Variants in MCF2L observed in about 807,000 individuals in gnomAD.
The protein encoded by MCF2L is guanine nucleotide exchange factor DBS.
MCF2L carries 97 observed loss-of-function variants against 153.4 expected under a neutral mutation model. The ratio of observed to expected loss-of-function variants is 0.63; its 90% CI spans 0.54 to 0.75. MCF2L has a LOEUF of 0.75. Among genes scored for constraint, MCF2L ranks in the 30% least tolerant of loss-of-function variants. MCF2L has a pLI of 0.00. For missense variants in MCF2L, 1,347 were observed against 1,495.2 expected (o/e 0.90, Z 1.64); for synonymous variants, 659 against 632.2 (o/e 1.04, Z -0.64).
At chr13:113,026,728 G>A (rs2085334535) in intron 3 of MCF2L, 1 of 593,038 alleles carries the variant, frequency 1.7e-6, no homozygotes, top group Non-Finnish European at 3.0e-6. Flanking sequence ...GCCCTTTCCA[G>A]GAAAGAACTG....
intron 4 of MCF2L, among the ~76,000 whole-genome samples, chr13:113,047,897 C>T (rs1455748106): frequency 3.9e-5 from 6 of 152,060 alleles, no homozygotes; most frequent in African/African-American, 7.3e-5. Context: ...TGCCTCGCTA[C>T]GCGTGCCCCG....
chr13:112,916,171 A>G, intron 2 of MCF2L, among the ~76,000 whole-genome samples: 1 of 147,668 alleles, frequency 6.8e-6, no homozygotes, highest in Non-Finnish European at 1.5e-5. Flanking sequence ...TTGCGCCACT[A>G]TACTCTAGCC....
intron 2 of MCF2L, among the ~76,000 whole-genome samples, chr13:112,921,141 C>T (rs1033339472): frequency 1.3e-5 from 2 of 152,192 alleles, no homozygotes; most frequent in Admixed American, 6.5e-5. Flanking sequence ...TGCACCACTG[C>T]ACTCTAGCCT....
intron 1 of MCF2L, among the ~76,000 whole-genome samples, chr13:113,005,409 T>TC (rs2083621163): frequency 6.6e-6 from 1 of 152,086 alleles, no homozygotes; most frequent in Non-Finnish European, 1.5e-5. Flanking sequence ...ATGAATGAAG[T>TC]CTGGGGGTCT....
intron 1 of MCF2L, among the ~76,000 whole-genome samples, chr13:112,989,313 G>A (rs1319296528): frequency 4.1e-5 from 5 of 121,664 alleles, no homozygotes; most frequent in African/African-American, 1.6e-4. Flanking sequence ...CCTGAGCAGG[G>A]GATGGAACTA....
intron 15 of MCF2L, among the ~76,000 whole-genome samples, chr13:113,080,170 C>G (rs1334784905): frequency 8.5e-6 from 1 of 117,990 alleles, no homozygotes; most frequent in Non-Finnish European, 1.8e-5. Context: ...AGAGTCCATA[C>G]GGAAGAGGGT....
intron 27 of MCF2L, 71 bp downstream of exon 27, chr13:113,094,706 G>A: frequency 2.0e-6 from 3 of 1,537,726 alleles, no homozygotes; most frequent in Non-Finnish European, 2.6e-6. Flanking sequence ...CTTCTGGCAG[G>A]TCCACCCAGG....
In MCF2L at chr13:113,096,807, C is replaced by T; in HGVS notation, c.3326C>T (p.Ser1109Leu). ...CCGGGGTCGGCCGTGCTGAGCAACTCGTCCAGCTGCAGCGAGGGCGGCCAG... is the reference window on the plus strand; with the variant it reads ...CCGGGGTCGGCCGTGCTGAGCAACTTGTCCAGCTGCAGCGAGGGCGGCCAG... ...SSPGSAVLSN[S>L]SSCSEGGQAP... Residue 1109 changes from serine to leucine, a missense_variant, in exon 30 of 30, where the codon TCG becomes TTG. Coordinates refer to ENST00000535094, the MANE Select transcript of MCF2L (RefSeq NM_001112732.3). 11 of 1,550,192 alleles carry T rather than the reference C, an allele frequency of 7.1e-6. No individual in the cohort carries two copies. The highest frequency in any genetic ancestry group is 8.6e-6 in the Non-Finnish European group (10 of 1,158,564).
intron 1 of MCF2L, among the ~76,000 whole-genome samples, chr13:112,982,225 C>CCGT (rs1196092129): frequency 6.6e-6 from 1 of 152,164 alleles, no homozygotes; most frequent in Non-Finnish European, 1.5e-5. Flanking sequence ...GTAATGGAGG[C>CCGT]CGTGCCCACC....
chr13:112,963,878 C>T (rs1199790515), intron 2 of MCF2L, among the ~76,000 whole-genome samples: 1 of 152,254 alleles, frequency 6.6e-6, no homozygotes, highest in Non-Finnish European at 1.5e-5. Context: ...GGCTCCTCCA[C>T]TGGCTTCAGT....
intron 3 of MCF2L, among the ~76,000 whole-genome samples, chr13:113,030,661 G>T (rs529232618): frequency 6.6e-6 from 1 of 152,232 alleles, no homozygotes; most frequent in African/African-American, 2.4e-5. Context: ...GCCCTCGTTC[G>T]TCAGAGGGCA....
upstream of MCF2L, chr13:112,967,554 T>A (rs1392538548): frequency 6.6e-6 from 1 of 152,254 alleles, no homozygotes; most frequent in African/African-American, 2.4e-5. Context: ...TATTTTTTAT[T>A]ATGAATTATT....
intron 1 of MCF2L, among the ~76,000 whole-genome samples, chr13:112,996,241 G>A (rs905159232): frequency 6.6e-6 from 1 of 152,164 alleles, no homozygotes; most frequent in African/African-American, 2.4e-5. Flanking sequence ...GACCACTTGA[G>A]CTCCGGAGAT....
At chr13:113,065,919 G>A (rs549936031) in intron 7 of MCF2L, 127 bp from the exon 8 acceptor site, 67 of 981,376 alleles carry the variant, frequency 6.8e-5, no homozygotes, top group East Asian at 3.4e-4. Flanking sequence ...GGGAAGACTC[G>A]GGGGTCGGGG....
At chr13:113,085,265 C>A in intron 20 of MCF2L, 87 bp downstream of exon 20, 1 of 1,108,662 alleles carries the variant, frequency 9.0e-7, no homozygotes, top group Non-Finnish European at 1.3e-6. Flanking sequence ...CCCCATCGCG[C>A]CCTGCCCCTC....
At chr13:112,940,049 G>T (rs1276877785) in intron 2 of MCF2L, among the ~76,000 whole-genome samples, 2 of 151,774 alleles carry the variant, frequency 1.3e-5, no homozygotes, top group South Asian at 2.1e-4. Flanking sequence ...TTGGGTCAGA[G>T]GCCTTCTTCA....
intron 4 of MCF2L, among the ~76,000 whole-genome samples, chr13:113,059,416 G>C (rs1440005104): frequency 5.9e-5 from 9 of 152,198 alleles, no homozygotes; most frequent in Admixed American, 1.3e-4. Flanking sequence ...TCTAGTCCTT[G>C]CTGCTATATT....
At chr13:113,003,747 TGCCAGGGTCA>T (rs1460296400) in intron 1 of MCF2L, among the ~76,000 whole-genome samples, 1 of 152,186 alleles carries the variant, frequency 6.6e-6, no homozygotes, top group African/African-American at 2.4e-5. Flanking sequence ...GCATTGTCGG[TGCCAGGGTCA>T]GCCAGGGTCA....
chr13:113,030,168 G>A (rs1012763275), intron 3 of MCF2L, among the ~76,000 whole-genome samples: 2 of 152,140 alleles, frequency 1.3e-5, no homozygotes, highest in Admixed American at 1.3e-4. Flanking sequence ...CGACTCATCA[G>A]GGCGAAGGGG....
Sources: gnomAD v4.1 joint callset for allele counts (sites outside exome capture counted in the v4.1 genomes callset) on GRCh38, gnomAD v4.1.1 for gene constraint, MANE v1.5 for transcripts, NCBI Gene and HGNC (gene_info 2026-07-23, HGNC 2026-07-21) for gene names.